The following HCLS1 variants were observed in gnomAD, a reference collection of about 807,000 sequenced individuals.
The protein encoded by HCLS1 is hematopoietic cell-specific Lyn substrate 1.
HCLS1 carries 44 observed loss-of-function variants against 68.6 expected under a neutral mutation model. The ratio of observed to expected loss-of-function variants is 0.64; its 90% CI spans 0.50 to 0.82. HCLS1 has a LOEUF of 0.82. Ranked by LOEUF, HCLS1 falls within the 40% of genes least tolerant of loss-of-function variation. HCLS1 has a pLI of 0.00. For synonymous variants in HCLS1, 217 were observed against 225.8 expected, an observed-to-expected ratio of 0.96 and a Z score of 0.35; for missense variants, 602 against 612.1, an observed-to-expected ratio of 0.98 and a Z score of 0.17.
chr3:121,644,283 C>CT (rs1250511020), intron 5 of HCLS1: 4 of 221,162 alleles, frequency 1.8e-5, no homozygotes, highest in Non-Finnish European at 2.8e-5. Context: ...TCATACGGTA[C>CT]TTTTTTTTCT....
intron 3 of HCLS1, among the ~76,000 whole-genome samples, chr3:121,652,765 A>G (rs746628961): frequency 5.3e-5 from 8 of 152,226 alleles, no homozygotes; most frequent in African/African-American, 7.2e-5. Flanking sequence ...TGATTGTAGT[A>G]TTATTAAGGC....
At chr3:121,644,464 ATGAG>A in intron 5 of HCLS1, 2 of 359,418 alleles carry the variant, frequency 5.6e-6, no homozygotes, top group Non-Finnish European at 1.1e-5. Context: ...CCTAAACGGC[ATGAG>A]TATTTATAAG....
At chr3:121,641,985 CAGG>C (rs2049204506) in intron 6 of HCLS1, among the ~76,000 whole-genome samples, 1 of 141,564 alleles carries the variant, frequency 7.1e-6, no homozygotes, top group Non-Finnish European at 1.5e-5. Flanking sequence ...GAGGCTGAGG[CAGG>C]AGAATGGCGT....
At chr3:121,639,022 C>T (rs2049174439) in intron 6 of HCLS1, among the ~76,000 whole-genome samples, 1 of 52,598 alleles carries the variant, frequency 1.9e-5, no homozygotes, top group South Asian at 6.8e-4. Flanking sequence ...CACACACACA[C>T]ACGCACACAC....
At chr3:121,659,538 T>C (rs996607086) in intron 1 of HCLS1, among the ~76,000 whole-genome samples, 4 of 152,196 alleles carry the variant, frequency 2.6e-5, no homozygotes, top group South Asian at 2.1e-4. Context: ...GAAAGCTCCA[T>C]CTTCTCCATT....
intron 3 of HCLS1, among the ~76,000 whole-genome samples, chr3:121,650,448 A>C (rs1937725174): frequency 1.3e-5 from 2 of 152,136 alleles, no homozygotes; most frequent in African/African-American, 4.8e-5. Context: ...TAATCAGTGC[A>C]GTATGGTATG....
At chr3:121,635,850 G>C in intron 8 of HCLS1, 46 bp from the exon 9 acceptor site, 4 of 1,522,884 alleles carry the variant, frequency 2.6e-6, no homozygotes, top group Non-Finnish European at 3.6e-6. Context: ...AGGGGCAAGG[G>C]TAGTGGTGAC....
Position 121,635,742 on chromosome 3 carries a change from T to A in HCLS1, c.684A>T (p.Ile228=), listed in dbSNP as rs1362716885. The change falls in exon 9 of 14, where the codon ATA becomes ATT. Residue 228 remains isoleucine, a synonymous_variant. Transcript: ENST00000314583. ...PTTAYKKTTP[I]EAASSGTRGL... is the part of the protein sequence containing the mutation. ...TGAATCACTAAGCCTCACCGGCTTC[T>A]ATGGGCGTCGTCTTCTTATAAGCTG... 1.2e-5 allele frequency: 20 copies of A among 1,613,754 alleles called. No individual in the cohort carries two copies. Among genetic ancestry groups the A allele is most frequent in the Non-Finnish European group, 1.7e-5 (20 of 1,179,754 alleles).
chr3:121,641,181 A>G (rs1423591173), intron 6 of HCLS1, among the ~76,000 whole-genome samples: 2 of 152,216 alleles, frequency 1.3e-5, no homozygotes, highest in African/African-American at 2.4e-5. Context: ...GAAGAATATC[A>G]GAGACCAAAA....
chr3:121,653,188 T>C (rs1937788046), intron 3 of HCLS1, among the ~76,000 whole-genome samples: 1 of 152,198 alleles, frequency 6.6e-6, no homozygotes, highest in Admixed American at 6.5e-5. Context: ...TATTTTTCCC[T>C]TGGGGACGCT....
intron 4 of HCLS1, 151 bp downstream of exon 4, chr3:121,647,168 A>T: frequency 1.4e-6 from 1 of 706,766 alleles, no homozygotes; most frequent in Non-Finnish European, 2.3e-6. Flanking sequence ...TTTTTAGTAG[A>T]GATGGGGTTT....
chr3:121,655,938 T>G (rs1937857221), intron 3 of HCLS1: 1 of 151,892 alleles, frequency 6.6e-6, no homozygotes, highest in Non-Finnish European at 1.5e-5. Context: ...AACCTGTGCC[T>G]CCTGGGTTCA....
rs77852202 is a variant in HCLS1 at position 121,632,410 on chromosome 3, C to T, written c.1162G>A (p.Glu388Lys). Residue 388 changes from glutamate to lysine, a missense_variant, in exon 12 of 14, where the codon GAG becomes AAG. Glu to Lys is a moderately conservative substitution (Grantham distance 56). Transcript: ENST00000314583. ...TCCCCCTCTGGTTCATCCTCCTGCTCATGCCTGTCCATCTCCTCAACGTCC... is the reference window on the plus strand; with the variant it reads ...TCCCCCTCTGGTTCATCCTCCTGCTTATGCCTGTCCATCTCCTCAACGTCC... ...YEDVEEMDRH[E>K]QEDEPEGDYE... 88,898 of 1,612,948 alleles carry T rather than the reference C, an allele frequency of 0.055. 2,849 individuals carry two copies. Among genetic ancestry groups the T allele is most frequent in the Non-Finnish European group, 0.066 (77,740 of 1,179,938 alleles).
At chr3:121,636,545 G>T in intron 7 of HCLS1, 56 bp from the exon 8 acceptor site, 2 of 1,322,698 alleles carry the variant, frequency 1.5e-6, no homozygotes, top group Non-Finnish European at 2.2e-6. Context: ...AATGGGTGGT[G>T]AGAAGAATCA....
At chr3:121,654,382 G>A (rs1037521636) in intron 3 of HCLS1, 1 of 152,138 alleles carries the variant, frequency 6.6e-6, no homozygotes, top group Non-Finnish European at 1.5e-5. Flanking sequence ...TATTTTTCCA[G>A]AAACTTAATT....
chr3:121,651,057 C>G (rs904224516), intron 3 of HCLS1, among the ~76,000 whole-genome samples: 1 of 152,198 alleles, frequency 6.6e-6, no homozygotes, highest in Admixed American at 6.5e-5. Context: ...ATCGCTTGAA[C>G]CCAGGAGGCA....
In HCLS1 at chr3:121,632,455, C is replaced by T. The variant is rs149387044; in HGVS notation, c.1117G>A (p.Glu373Lys). 24 of 1,612,778 alleles carry T rather than the reference C, an allele frequency of 1.5e-5. No individual in the cohort carries two copies. In the African/African-American group the frequency reaches 2.1e-4, roughly 14 times the overall value. ...EPEPEPEPEP[E>K]PENDYEDVEE... ...ACGTCCTCATAGTCATTCTCAGGCTCGGGCTCAGGCTCGGGCTCAGGCTCA... is the reference window on the plus strand; with the variant it reads ...ACGTCCTCATAGTCATTCTCAGGCTTGGGCTCAGGCTCGGGCTCAGGCTCA... The change falls in exon 12 of 14, where the codon GAG becomes AAG. Residue 373 changes from glutamate (E) to lysine (K), a missense_variant. By Grantham distance (56) the Glu-to-Lys change is moderately conservative. Transcript: ENST00000314583.
intron 3 of HCLS1, among the ~76,000 whole-genome samples, chr3:121,648,041 AC>A (rs1323423852): frequency 6.6e-6 from 1 of 152,228 alleles, no homozygotes; most frequent in Non-Finnish European, 1.5e-5. Context: ...TCACTAGTGT[AC>A]TAGGAAGTCA....
intron 1 of HCLS1, among the ~76,000 whole-genome samples, chr3:121,659,469 C>G (rs768116498): frequency 6.6e-6 from 1 of 152,208 alleles, no homozygotes; most frequent in Non-Finnish European, 1.5e-5. Context: ...TACAACCACT[C>G]CTCGGGTTCT....
Sources: allele counts gnomAD v4.1 joint callset (sites outside exome capture counted in the v4.1 genomes callset), GRCh38; gene constraint gnomAD v4.1.1; transcripts MANE v1.5; gene names NCBI Gene and HGNC (gene_info 2026-07-23, HGNC 2026-07-21).